Variants in HCN1 observed in about 807,000 individuals in gnomAD.
HCN1 encodes potassium/sodium hyperpolarization-activated cyclic nucleotide-gated channel 1.
In HCN1, 13 loss-of-function variants were observed where a neutral mutation model predicts 78.9. The observed-to-expected ratio is 0.16, with a 90% CI of 0.11 to 0.26. HCN1 has a LOEUF of 0.26. Ranked by LOEUF, HCN1 falls within the 10% of genes least tolerant of loss-of-function variation. HCN1 has a pLI of 1.00. For synonymous variants in HCN1, 552 were observed against 455.5 expected (o/e 1.21, Z -2.70); for missense variants, 810 against 1,154.3 (o/e 0.70, Z 4.32).
intron 6 of HCN1, among the ~76,000 whole-genome samples, chr5:45,295,618 A>C (rs1745474309): frequency 2.0e-5 from 3 of 151,922 alleles, no homozygotes; most frequent in Non-Finnish European, 2.9e-5. Flanking sequence ...AGAATTCAAA[A>C]CTTTTGAGTT....
At chr5:45,394,530 A>G (rs141449782) in intron 4 of HCN1, among the ~76,000 whole-genome samples, 5 of 152,354 alleles carry the variant, frequency 3.3e-5, no homozygotes, top group African/African-American at 7.2e-5. Flanking sequence ...AAAAAGTAAA[A>G]TTTTTAAAAA....
At chr5:45,424,247 C>T (rs112538351) in intron 3 of HCN1, among the ~76,000 whole-genome samples, 1 of 151,674 alleles carries the variant, frequency 6.6e-6, no homozygotes, top group Non-Finnish European at 1.5e-5. Flanking sequence ...GGGCAGAGAT[C>T]GCACCACTGC....
intron 6 of HCN1, among the ~76,000 whole-genome samples, chr5:45,279,646 T>C (rs1235332968): frequency 6.6e-6 from 1 of 152,096 alleles, no homozygotes; most frequent in Non-Finnish European, 1.5e-5. Context: ...ATCTCATATG[T>C]TCCTTGCTCA....
At chr5:45,556,168 A>G (rs1711673537) in intron 2 of HCN1, among the ~76,000 whole-genome samples, 1 of 151,948 alleles carries the variant, frequency 6.6e-6, no homozygotes, top group Non-Finnish European at 1.5e-5. Flanking sequence ...TTTGAGTAAT[A>G]CCCCATAAGC....
intron 6 of HCN1, among the ~76,000 whole-genome samples, chr5:45,295,792 A>G (rs1745479734): frequency 6.6e-6 from 1 of 152,038 alleles, no homozygotes; most frequent in African/African-American, 2.4e-5. Context: ...CAATACTATG[A>G]ACTTGTCATG....
At chr5:45,551,684 TA>T (rs1189425664) in intron 2 of HCN1, among the ~76,000 whole-genome samples, 1 of 151,968 alleles carries the variant, frequency 6.6e-6, no homozygotes, top group Non-Finnish European at 1.5e-5. Flanking sequence ...TTAGCAGTAA[TA>T]CCTGTTTCCA....
intron 6 of HCN1, among the ~76,000 whole-genome samples, chr5:45,273,995 T>C (rs1446540187): frequency 6.6e-6 from 1 of 151,572 alleles, no homozygotes; most frequent in East Asian, 1.9e-4. Context: ...GAACATTAAA[T>C]AGGTGCAAAT....
At chr5:45,295,942 A>G (rs1325462682) in intron 6 of HCN1, among the ~76,000 whole-genome samples, 1 of 152,002 alleles carries the variant, frequency 6.6e-6, no homozygotes, top group African/African-American at 2.4e-5. Context: ...TTAGATTTTA[A>G]CTGCCTTACA....
At chr5:45,549,773 T>A (rs1225953462) in intron 2 of HCN1, among the ~76,000 whole-genome samples, 1 of 152,052 alleles carries the variant, frequency 6.6e-6, no homozygotes, top group African/African-American at 2.4e-5. Flanking sequence ...ATATCCAGAA[T>A]CTACAAAGAA....
At position 45,566,523 on chromosome 5, in the gene HCN1, A is replaced by C. The variant is rs143121640; in HGVS notation, c.849+78662T>G. Among the ~76,000 whole-genome samples the C allele has an allele frequency of 1.8e-3, 269 of 152,296 alleles. 1 individual carries two copies. Among genetic ancestry groups the C allele is most frequent in the African/African-American group, 6.2e-3 (258 of 41,572 alleles). On this transcript the variant is annotated intron_variant, in intron 2 of 7. Coordinates refer to ENST00000303230, the MANE Select transcript of HCN1 (RefSeq NM_021072.4). ...ATGCCTCATATCAAAGGGCAGCTGC[A>C]GCTTTATACATCAAAATCCAGATTA...
chr5:45,577,379 CA>C (rs1244063082), intron 2 of HCN1, among the ~76,000 whole-genome samples: 2 of 151,926 alleles, frequency 1.3e-5, no homozygotes, highest in Non-Finnish European at 2.9e-5. Context: ...TTTAATATGT[CA>C]AAATGGGGAA....
intron 6 of HCN1, among the ~76,000 whole-genome samples, chr5:45,292,981 A>G (rs1036801547): frequency 6.6e-6 from 1 of 152,098 alleles, no homozygotes; most frequent in Admixed American, 6.6e-5. Context: ...AAATAATTCA[A>G]TAATAGGCTA....
Position 45,654,900 on chromosome 5 carries a change from T to C in HCN1, c.426-9292A>G, listed in dbSNP as rs892386025. On this transcript the variant is annotated intron_variant, in intron 1 of 7. Transcript: ENST00000303230. ...TTGCTATTGTAATCCTCCCACCACA[T>C]TGCATATTTTCAAATCATCCAGTTT... is the stretch of plus-strand genomic sequence containing the variant. Among the ~76,000 whole-genome samples, 10 of 152,138 alleles carry C rather than the reference T, an allele frequency of 6.6e-5. 1 individual carries two copies. The highest frequency in any genetic ancestry group is 1.3e-4 in the Admixed American group (2 of 15,266).
intron 5 of HCN1, among the ~76,000 whole-genome samples, chr5:45,328,959 G>A (rs565235601): frequency 6.6e-6 from 1 of 151,742 alleles, no homozygotes; most frequent in African/African-American, 2.4e-5. Flanking sequence ...AATATTTAGT[G>A]TTGTGGAGGA....
At chr5:45,289,139 T>A (rs1745324245) in intron 6 of HCN1, among the ~76,000 whole-genome samples, 1 of 152,074 alleles carries the variant, frequency 6.6e-6, no homozygotes, top group South Asian at 2.1e-4. Context: ...CCATTATCTT[T>A]CCTATGGACA....
At chr5:45,678,028 T>A (rs1739622753) in intron 1 of HCN1, among the ~76,000 whole-genome samples, 1 of 145,310 alleles carries the variant, frequency 6.9e-6, no homozygotes, top group African/African-American at 2.8e-5. Context: ...ACACACACAC[T>A]ATAACGTTAA....
intron 2 of HCN1, among the ~76,000 whole-genome samples, chr5:45,567,558 T>TACACACAC (rs36230541): frequency 5.3e-5 from 7 of 133,026 alleles, no homozygotes; most frequent in African/African-American, 1.1e-4. Context: ...CATTTTAGGC[T>TACACACAC]ACACACACAC....
chr5:45,626,268 A>C (rs1053813835), intron 2 of HCN1, among the ~76,000 whole-genome samples: 3 of 152,192 alleles, frequency 2.0e-5, no homozygotes, highest in African/African-American at 7.2e-5. Flanking sequence ...TCTTTGTTGA[A>C]AATAATTATA....
At chr5:45,593,499 G>A (rs1441013952) in intron 2 of HCN1, among the ~76,000 whole-genome samples, 1 of 151,828 alleles carries the variant, frequency 6.6e-6, no homozygotes, top group Non-Finnish European at 1.5e-5. Flanking sequence ...TATAACACCT[G>A]GGCAGAGTTC....
Sources: gnomAD v4.1 joint callset for allele counts (sites outside exome capture counted in the v4.1 genomes callset) on GRCh38, gnomAD v4.1.1 for gene constraint, MANE v1.5 for transcripts, NCBI Gene and HGNC (gene_info 2026-07-23, HGNC 2026-07-21) for gene names.